The following GALNT13 variants were observed in gnomAD, a reference collection of about 807,000 sequenced individuals.
GALNT13 encodes UDP-GalNAc:polypeptide N-acetylgalactosaminyltransferase 13.
A neutral mutation model predicts 64.2 loss-of-function variants in GALNT13; 28 were observed. That is an observed-to-expected ratio of 0.44 (90% CI 0.32 to 0.60). The LOEUF is 0.60. Among genes scored for constraint, GALNT13 ranks in the 20% least tolerant of loss-of-function variants. GALNT13 has a pLI of 0.05. For synonymous variants in GALNT13, 214 were observed against 224.6 expected (o/e 0.95, Z 0.42); for missense variants, 577 against 669.8 (o/e 0.86, Z 1.53).
At chr2:154,326,121 T>C (rs535325670) in intron 9 of GALNT13, among the ~76,000 whole-genome samples, 1 of 152,236 alleles carries the variant, frequency 6.6e-6, no homozygotes, top group South Asian at 2.1e-4. Context: ...TTTAACAAGA[T>C]CTCTGGTGAT....
chr2:153,578,926 A>T, the GALNT13 span, among the ~76,000 whole-genome samples: 3 of 152,222 alleles, frequency 2.0e-5, no homozygotes, highest in Admixed American at 6.5e-5. Context: ...GTAAGCACTT[A>T]TGTAATCATG....
At chr2:153,535,863 T>C in the GALNT13 span, among the ~76,000 whole-genome samples, 7 of 152,236 alleles carry the variant, frequency 4.6e-5, no homozygotes, top group East Asian at 1.2e-3. Context: ...TCAGACTGTA[T>C]TGAGGTGGGA....
chr2:153,193,755 A>G, the GALNT13 span, among the ~76,000 whole-genome samples: 3 of 151,852 alleles, frequency 2.0e-5, no homozygotes, highest in African/African-American at 4.8e-5. Context: ...CATGTGTAAC[A>G]CTCCCTAAAG....
At chr2:154,163,272 CA>C (rs1684842750) in intron 4 of GALNT13, among the ~76,000 whole-genome samples, 1 of 151,374 alleles carries the variant, frequency 6.6e-6, no homozygotes, top group African/African-American at 2.4e-5. Flanking sequence ...AATAGAGACA[CA>C]AAAAACCCTT....
At chr2:153,650,968 T>G in the GALNT13 span, among the ~76,000 whole-genome samples, 2 of 152,154 alleles carry the variant, frequency 1.3e-5, no homozygotes, top group African/African-American at 4.8e-5. Context: ...TTTTATCTGA[T>G]TGCTGTGAGA....
chr2:153,566,347 C>CG, the GALNT13 span, among the ~76,000 whole-genome samples: 2 of 76,424 alleles, frequency 2.6e-5, no homozygotes, highest in East Asian at 8.3e-4. Context: ...CTTCTAATCA[C>CG]GTTTTTTTTT....
chr2:154,081,639 C>T (rs572212882), intron 3 of GALNT13, among the ~76,000 whole-genome samples: 27 of 151,788 alleles, frequency 1.8e-4, no homozygotes, highest in Middle Eastern at 3.4e-3. Flanking sequence ...CCAAATTATA[C>T]GCATTTATAC....
the GALNT13 span, among the ~76,000 whole-genome samples, chr2:153,405,625 C>G: frequency 6.6e-6 from 1 of 152,056 alleles, no homozygotes; most frequent in Non-Finnish European, 1.5e-5. Flanking sequence ...TAAGGGTGAC[C>G]AGAAATGATT....
the GALNT13 span, among the ~76,000 whole-genome samples, chr2:153,253,079 A>G: frequency 2.6e-4 from 40 of 151,826 alleles, no homozygotes; most frequent in Admixed American, 1.9e-3. Flanking sequence ...CATTTTCATG[A>G]TATTGATTCT....
the GALNT13 span, among the ~76,000 whole-genome samples, chr2:153,723,838 A>G: frequency 6.6e-6 from 1 of 151,014 alleles, no homozygotes; most frequent in Non-Finnish European, 1.5e-5. Context: ...TTCCACGCTC[A>G]TGGGTAGGAA....
the GALNT13 span, among the ~76,000 whole-genome samples, chr2:153,476,061 G>A: frequency 6.6e-6 from 1 of 152,048 alleles, no homozygotes; most frequent in East Asian, 1.9e-4. Context: ...CAACAAACAA[G>A]CAAACAAACC....
intron 8 of GALNT13, among the ~76,000 whole-genome samples, chr2:154,274,508 G>C (rs1003573399): frequency 6.6e-6 from 1 of 152,044 alleles, no homozygotes; most frequent in African/African-American, 2.4e-5. Flanking sequence ...AAGGGATCCA[G>C]TGGGAAGTAG....
chr2:153,851,106 C>T, the GALNT13 span, among the ~76,000 whole-genome samples: 1 of 151,944 alleles, frequency 6.6e-6, no homozygotes, highest in East Asian at 1.9e-4. Context: ...AAAACTATAC[C>T]ATAACTTATC....
At chr2:153,536,809 G>A in the GALNT13 span, among the ~76,000 whole-genome samples, 13 of 152,156 alleles carry the variant, frequency 8.5e-5, no homozygotes, top group East Asian at 1.9e-4. Context: ...GTCCAAAGAC[G>A]TGTAATTATA....
At chr2:154,355,834 T>G (rs1335867534) in intron 9 of GALNT13, among the ~76,000 whole-genome samples, 1 of 152,012 alleles carries the variant, frequency 6.6e-6, no homozygotes, top group Non-Finnish European at 1.5e-5. Flanking sequence ...TGATAATAGA[T>G]TATGAGGTCA....
At chr2:153,474,894 ATG>A in the GALNT13 span, among the ~76,000 whole-genome samples, 1 of 98,608 alleles carries the variant, frequency 1.0e-5, no homozygotes, top group African/African-American at 3.7e-5. Flanking sequence ...TGTTAAATTT[ATG>A]TATCTAAACT....
chr2:153,299,951 G>GT, the GALNT13 span, among the ~76,000 whole-genome samples: 1 of 152,080 alleles, frequency 6.6e-6, no homozygotes, highest in Non-Finnish European at 1.5e-5. Flanking sequence ...TCATCCCGTG[G>GT]TGCCGAGTAC....
At chr2:153,254,866 G>T in the GALNT13 span, among the ~76,000 whole-genome samples, 3 of 152,272 alleles carry the variant, frequency 2.0e-5, no homozygotes, top group South Asian at 2.1e-4. Flanking sequence ...TTTTACATTT[G>T]CTGAGGAGAG....
chr2:153,132,694 A>G, the GALNT13 span, among the ~76,000 whole-genome samples: 5 of 152,290 alleles, frequency 3.3e-5, no homozygotes, highest in East Asian at 1.9e-4. Flanking sequence ...TCACAATGTT[A>G]TATTTTAATC....
Sources: allele counts gnomAD v4.1 joint callset (sites outside exome capture counted in the v4.1 genomes callset), GRCh38; gene constraint gnomAD v4.1.1; transcripts MANE v1.5; gene names NCBI Gene and HGNC (gene_info 2026-07-23, HGNC 2026-07-21).